GRIK2: variants seen among roughly 807,000 people sequenced by gnomAD.
GRIK2 encodes the protein glutamate receptor ionotropic, kainate 2.
Under a neutral mutation model 100.3 loss-of-function variants are expected in GRIK2, and 32 were observed. The ratio of observed to expected loss-of-function variants is 0.32; its 90% confidence interval spans 0.24 to 0.43. The LOEUF (loss-of-function observed/expected upper bound fraction) is 0.43, where lower values mean the gene tolerates loss of function less well. GRIK2 is among the 20% of genes least tolerant of loss of function. The probability of loss-of-function intolerance (pLI) is 1.00; values close to 1 mark genes in which losing one functional copy is unlikely to be tolerated. For missense variants in GRIK2, 843 were observed against 1,114.9 expected (o/e 0.76, Z 3.47); for synonymous variants, 417 against 389.4 (o/e 1.07, Z -0.83).
At chr6:101,496,578 G>C (rs1404910782) in intron 2 of GRIK2, among the ~76,000 whole-genome samples, 4 of 152,116 alleles carry the variant, frequency 2.6e-5, no homozygotes, top group African/African-American at 7.2e-5. Context: ...TTAGAAAAAT[G>C]CTTCATTTTC....
intron 9 of GRIK2, among the ~76,000 whole-genome samples, chr6:101,817,219 A>G (rs1781689169): frequency 6.6e-6 from 1 of 152,196 alleles, no homozygotes; most frequent in Non-Finnish European, 1.5e-5. Flanking sequence ...ACAGAATTTA[A>G]TGGTGAGAGG....
chr6:101,877,639 G>C (rs1174133716), intron 11 of GRIK2, among the ~76,000 whole-genome samples: 1 of 151,870 alleles, frequency 6.6e-6, no homozygotes, highest in Non-Finnish European at 1.5e-5. Flanking sequence ...AAACATCTGA[G>C]TACAAAATAA....
At chr6:101,940,503 A>G (rs1266651194) in intron 14 of GRIK2, among the ~76,000 whole-genome samples, 3 of 152,092 alleles carry the variant, frequency 2.0e-5, no homozygotes, top group African/African-American at 4.8e-5. Context: ...GTTAGTAACC[A>G]TGTAATAGCT....
At chr6:101,400,899 G>T (rs189357764) in intron 2 of GRIK2, among the ~76,000 whole-genome samples, 1 of 152,134 alleles carries the variant, frequency 6.6e-6, no homozygotes, top group African/African-American at 2.4e-5. Flanking sequence ...ACTTAAGCAC[G>T]TTGCTCTTAG....
intron 4 of GRIK2, among the ~76,000 whole-genome samples, chr6:101,673,622 A>G (rs1770600424): frequency 6.6e-6 from 1 of 151,578 alleles, no homozygotes; most frequent in Non-Finnish European, 1.5e-5. Flanking sequence ...CATTCCTTTG[A>G]CTCTTTCTCT....
chr6:101,796,694 G>T (rs1440861825), intron 7 of GRIK2, among the ~76,000 whole-genome samples: 2 of 152,052 alleles, frequency 1.3e-5, no homozygotes, highest in Non-Finnish European at 2.9e-5. Context: ...TAGATTACTT[G>T]TACCTTTTTC....
intron 10 of GRIK2, among the ~76,000 whole-genome samples, chr6:101,830,138 C>A (rs1782585165): frequency 6.6e-6 from 1 of 151,998 alleles, no homozygotes; most frequent in East Asian, 1.9e-4. Context: ...CTACAACCAA[C>A]TGATCTTTGA....
At chr6:101,430,074 T>C (rs1769291615) in intron 2 of GRIK2, among the ~76,000 whole-genome samples, 1 of 152,198 alleles carries the variant, frequency 6.6e-6, no homozygotes, top group Admixed American at 6.5e-5. Context: ...CATTAATACC[T>C]GCACAGATCG....
chr6:101,650,847 T>C (rs904910619), intron 4 of GRIK2, among the ~76,000 whole-genome samples: 12 of 152,066 alleles, frequency 7.9e-5, no homozygotes, highest in Non-Finnish European at 1.5e-5. Flanking sequence ...CTTCAGTACA[T>C]CCCACGACCC....
At chr6:101,904,525 A>G (rs1788097774) in intron 12 of GRIK2, among the ~76,000 whole-genome samples, 1 of 151,478 alleles carries the variant, frequency 6.6e-6, no homozygotes. Flanking sequence ...ACCTGTTATT[A>G]TTTATTAGTG....
At chr6:101,896,160 A>T (rs970591724) in intron 12 of GRIK2, among the ~76,000 whole-genome samples, 5 of 151,732 alleles carry the variant, frequency 3.3e-5, no homozygotes, top group Non-Finnish European at 7.4e-5. Context: ...CCCAGAAAAA[A>T]TTCTTAGTTT....
chr6:101,762,383 A>T (rs982424966), intron 7 of GRIK2, among the ~76,000 whole-genome samples: 1 of 151,764 alleles, frequency 6.6e-6, no homozygotes. Flanking sequence ...GGGTCTTGCT[A>T]TGCTGCCCAA....
intron 7 of GRIK2, among the ~76,000 whole-genome samples, chr6:101,783,833 G>A (rs1779256956): frequency 6.6e-6 from 1 of 152,168 alleles, no homozygotes; most frequent in East Asian, 1.9e-4. Context: ...CTTTGAACTT[G>A]AGATAGATTA....
At chr6:101,727,017 G>A (rs1562338268) in intron 7 of GRIK2, among the ~76,000 whole-genome samples, 1 of 151,830 alleles carries the variant, frequency 6.6e-6, no homozygotes, top group African/African-American at 2.4e-5. Flanking sequence ...GCCCTAACTT[G>A]CATTTTTCTC....
At chr6:101,880,222 C>G (rs893040192) in intron 11 of GRIK2, among the ~76,000 whole-genome samples, 2 of 151,958 alleles carry the variant, frequency 1.3e-5, no homozygotes, top group African/African-American at 2.4e-5. Flanking sequence ...TTAAATATAC[C>G]CTTCTTTGGG....
chr6:101,493,823 A>G (rs933800006), intron 2 of GRIK2, among the ~76,000 whole-genome samples: 2 of 150,612 alleles, frequency 1.3e-5, no homozygotes, highest in African/African-American at 4.9e-5. Context: ...CAAATATAAA[A>G]TGGGTGGTCA....
chr6:101,782,857 CTTTTTTTTTT>C (rs1158965622), intron 7 of GRIK2, among the ~76,000 whole-genome samples: 3 of 130,818 alleles, frequency 2.3e-5, no homozygotes, highest in Non-Finnish European at 3.2e-5. Context: ...ACTCAAATCT[CTTTTTTTTTT>C]TTTTTTTTTG....
chr6:102,062,267 C>T (rs1771790056), intron 16 of GRIK2, among the ~76,000 whole-genome samples: 1 of 150,146 alleles, frequency 6.7e-6, no homozygotes. Context: ...ATTTCTTTTG[C>T]CCTCATAATT....
chr6:101,648,549 T>G (rs563720633), intron 4 of GRIK2, among the ~76,000 whole-genome samples: 2 of 152,112 alleles, frequency 1.3e-5, no homozygotes, highest in East Asian at 3.9e-4. Flanking sequence ...TTTGAAATAT[T>G]TTTTAGTTTT....
Sources: allele counts gnomAD v4.1 joint callset (sites outside exome capture counted in the v4.1 genomes callset), GRCh38; gene constraint gnomAD v4.1.1; transcripts MANE v1.5; gene names NCBI Gene and HGNC (gene_info 2026-07-23, HGNC 2026-07-21).